PPM1E: variants seen among roughly 807,000 people sequenced by gnomAD.
PPM1E encodes protein phosphatase, Mg2+/Mn2+ dependent 1E.
Under a neutral mutation model 65.9 loss-of-function variants are expected in PPM1E, and 20 were observed. The ratio of observed to expected loss-of-function variants is 0.30; its 90% confidence interval spans 0.21 to 0.44. The LOEUF (loss-of-function observed/expected upper bound fraction) is 0.44. Ranked by LOEUF, PPM1E falls within the 20% of genes least tolerant of loss-of-function variation. The pLI is 1.00. For synonymous variants in PPM1E, 352 were observed against 374.9 expected (o/e 0.94, Z 0.70); for missense variants, 713 against 953.1 (o/e 0.75, Z 3.32).
At chr17:58,766,211 T>G (rs2049875805) in intron 1 of PPM1E, among the ~76,000 whole-genome samples, 2 of 134,724 alleles carry the variant, frequency 1.5e-5, no homozygotes, top group African/African-American at 5.6e-5. Flanking sequence ...TTTTTTTTTT[T>G]TTTTTTTTGA....
intron 1 of PPM1E, among the ~76,000 whole-genome samples, chr17:58,930,053 G>A (rs1373378882): frequency 2.6e-5 from 4 of 151,906 alleles, no homozygotes; most frequent in South Asian, 2.1e-4. Context: ...TACCCTGAAC[G>A]TGCCTGATCT....
At position 58,833,665 on chromosome 17, in the gene PPM1E, A is replaced by G. The variant is rs557183655; in HGVS notation, c.464+77204A>G. Among the ~76,000 whole-genome samples, 25 of 152,104 alleles carry G rather than the reference A, an allele frequency of 1.6e-4. No individual in the cohort carries two copies. The South Asian group carries it at 2.3e-3, about 14-fold the overall frequency. On this transcript the variant is annotated intron_variant, in intron 1 of 6. Coordinates refer to ENST00000308249, the MANE Select transcript of PPM1E (RefSeq NM_014906.5). Reference sequence around the variant, plus strand: ...TCTAGGTTGATTCCACATCTTTGCTATTGTGAATAGTGCTGCAGTGAACAT... The same window carrying G: ...TCTAGGTTGATTCCACATCTTTGCTGTTGTGAATAGTGCTGCAGTGAACAT...
At chr17:58,867,489 C>T (rs2051018749) in intron 1 of PPM1E, among the ~76,000 whole-genome samples, 1 of 152,140 alleles carries the variant, frequency 6.6e-6, no homozygotes, top group African/African-American at 2.4e-5. Context: ...AACTACAGCT[C>T]TTACTCCCTC....
intron 1 of PPM1E, among the ~76,000 whole-genome samples, chr17:58,782,983 A>G (rs1052298153): frequency 2.6e-5 from 4 of 152,218 alleles, no homozygotes; most frequent in African/African-American, 9.6e-5. Flanking sequence ...GTAAAGTAGA[A>G]TTAAAGTCCA....
intron 1 of PPM1E, among the ~76,000 whole-genome samples, chr17:58,902,009 A>T (rs1267567748): frequency 6.6e-6 from 1 of 152,052 alleles, no homozygotes; most frequent in Non-Finnish European, 1.5e-5. Flanking sequence ...ATTAAAAATG[A>T]ATCTAAAATA....
At chr17:58,871,327 C>T (rs1453906627) in intron 1 of PPM1E, among the ~76,000 whole-genome samples, 1 of 152,036 alleles carries the variant, frequency 6.6e-6, no homozygotes, top group Admixed American at 6.6e-5. Flanking sequence ...GGCATTGAGC[C>T]TCCGTGCCTG....
intron 1 of PPM1E, chr17:58,785,532 ACTC>A (rs1171930167): frequency 7.6e-6 from 1 of 132,316 alleles, no homozygotes; most frequent in Non-Finnish European, 1.6e-5. Flanking sequence ...CTGGTCTTGA[ACTC>A]CTGGCCTCTA....
In PPM1E at chr17:58,980,458, A is replaced by C. The variant is rs769515069; in HGVS notation, c.1695A>C (p.Glu565Asp). The stretch of plus-strand genomic sequence containing the variant: ...CAGGGTCCCAAATCAACGTGCTGGA[A>C]GACCCAGGCTACCTAGATCTCACAC... ...LSPGSQINVLEDPGYLDLTQI... is the reference protein window; with the variant it reads ...LSPGSQINVLDDPGYLDLTQI... Residue 565 changes from glutamate to aspartate, a missense_variant, in exon 7 of 7, where the codon GAA becomes GAC. Physicochemically the swap from Glu to Asp is conservative, Grantham distance 45 (BLOSUM62 2). Around this residue, in one of 6 missense-constraint regions of PPM1E, gnomAD observed 286 missense variants for 313.8 expected, o/e 0.91. Coordinates refer to ENST00000308249, the MANE Select transcript of PPM1E (RefSeq NM_014906.5). This position sits in a 1 kb window ranked among gnomAD's most constrained non-coding sequence, Gnocchi z 4.7. 6.2e-7 allele frequency: 1 copy of C among 1,614,198 alleles called. No homozygotes were observed. Among genetic ancestry groups the C allele is most frequent in the Non-Finnish European group, 8.5e-7 (1 of 1,180,026 alleles).
At chr17:58,863,006 T>C (rs968625485) in intron 1 of PPM1E, among the ~76,000 whole-genome samples, 6 of 152,226 alleles carry the variant, frequency 3.9e-5, no homozygotes, top group African/African-American at 1.4e-4. Flanking sequence ...AGAGCAGCCC[T>C]TTTTACTATA....
At chr17:58,786,213 A>G (rs2050099289) in intron 1 of PPM1E, among the ~76,000 whole-genome samples, 1 of 151,696 alleles carries the variant, frequency 6.6e-6, no homozygotes, top group South Asian at 2.1e-4. Context: ...ACGGGGTTTC[A>G]CCATGTTAGC....
chr17:58,762,897 C>CAAAAAA (rs35912480), intron 1 of PPM1E, among the ~76,000 whole-genome samples: 1 of 93,176 alleles, frequency 1.1e-5, no homozygotes. Flanking sequence ...GACTCCGTCT[C>CAAAAAA]AAAAAAAAAA....
chr17:58,935,840 CTTTAAG>C (rs2051972665), intron 1 of PPM1E, among the ~76,000 whole-genome samples: 1 of 151,490 alleles, frequency 6.6e-6, no homozygotes, highest in Admixed American at 6.6e-5. Flanking sequence ...TATTATTATA[CTTTAAG>C]TTTTAGGGTA....
At chr17:58,903,893 A>G (rs2051525173) in intron 1 of PPM1E, among the ~76,000 whole-genome samples, 1 of 152,204 alleles carries the variant, frequency 6.6e-6, no homozygotes, top group Non-Finnish European at 1.5e-5. Flanking sequence ...ATATTTTCCA[A>G]ATAAATATAT....
chr17:58,949,483 C>A (rs2052206598), intron 1 of PPM1E, among the ~76,000 whole-genome samples: 1 of 152,016 alleles, frequency 6.6e-6, no homozygotes, highest in African/African-American at 2.4e-5. Flanking sequence ...ATTCATTCAG[C>A]CAGTTTCTTT....
At chr17:58,853,200 CT>C (rs1356029625) in intron 1 of PPM1E, among the ~76,000 whole-genome samples, 1 of 152,090 alleles carries the variant, frequency 6.6e-6, no homozygotes, top group Non-Finnish European at 1.5e-5. Flanking sequence ...TTTCTTCTTT[CT>C]TGCCTTATGT....
intron 1 of PPM1E, among the ~76,000 whole-genome samples, chr17:58,868,385 T>G (rs1487932288): frequency 6.6e-6 from 1 of 152,148 alleles, no homozygotes; most frequent in Non-Finnish European, 1.5e-5. Context: ...AAAATTTTTT[T>G]TAATTTTTAA....
chr17:58,927,938 T>TA (rs1240249008), intron 1 of PPM1E, among the ~76,000 whole-genome samples: 2 of 151,854 alleles, frequency 1.3e-5, no homozygotes, highest in Non-Finnish European at 2.9e-5. Flanking sequence ...TGGGTGCCTG[T>TA]AGTCCCAGCT....
intron 1 of PPM1E, among the ~76,000 whole-genome samples, chr17:58,874,904 A>G (rs2051112028): frequency 6.6e-6 from 1 of 152,186 alleles, no homozygotes; most frequent in African/African-American, 2.4e-5. Flanking sequence ...TTATATAAAA[A>G]TTATACAGCA....
chr17:58,894,359 A>G (rs1241035164), intron 1 of PPM1E, among the ~76,000 whole-genome samples: 1 of 152,152 alleles, frequency 6.6e-6, no homozygotes, highest in Non-Finnish European at 1.5e-5. Flanking sequence ...GATTATTACC[A>G]TTTTATCAAG....
Sources: allele counts gnomAD v4.1 joint callset (sites outside exome capture counted in the v4.1 genomes callset), GRCh38; gene constraint gnomAD v4.1.1; regional missense constraint gnomAD v4.1.1; non-coding constraint Gnocchi (gnomAD v3.1); transcripts MANE v1.5; gene names NCBI Gene and HGNC (gene_info 2026-07-23, HGNC 2026-07-21).